TUBGCP4: variants seen among roughly 807,000 people sequenced by gnomAD.
TUBGCP4 encodes tubulin gamma complex component 4.
A neutral mutation model predicts 91.6 loss-of-function variants in TUBGCP4; 54 were observed. The ratio of observed to expected loss-of-function variants is 0.59; its 90% CI spans 0.47 to 0.74. TUBGCP4 has a LOEUF of 0.74. Ranked by LOEUF, TUBGCP4 falls within the 30% of genes least tolerant of loss-of-function variation. The pLI is 0.00. For missense variants in TUBGCP4, 593 were observed against 800.9 expected, an observed-to-expected ratio of 0.74 and a Z score of 3.13; for synonymous variants, 297 against 302.8, an observed-to-expected ratio of 0.98 and a Z score of 0.20.
intron 13 of TUBGCP4, 191 bp downstream of exon 13, chr15:43,398,370 A>G: frequency 2.4e-6 from 1 of 425,266 alleles, no homozygotes; most frequent in Non-Finnish European, 3.9e-6. Context: ...ACATAGTAAG[A>G]CCCCCATCTC....
intron 7 of TUBGCP4, 136 bp from the exon 8 acceptor site, chr15:43,385,655 G>C: frequency 1.2e-6 from 1 of 854,852 alleles, no homozygotes; most frequent in Admixed American, 2.6e-5. Flanking sequence ...TGGGTGGTTT[G>C]AGAACTGTGC....
rs1490904386 is a variant in TUBGCP4, at chr15:43,377,011, C to T, written c.331-3C>T. ...GCTCTAATCACAAAGTTTTTTATTGCAGTTCCTGGGTGATCCCCATCTCTC... is the reference window on the plus strand; with the variant it reads ...GCTCTAATCACAAAGTTTTTTATTGTAGTTCCTGGGTGATCCCCATCTCTC... On this transcript the variant is annotated splice_polypyrimidine_tract_variant and splice_region_variant and intron_variant, in intron 3 of 17. Coordinates refer to ENST00000564079, the MANE Select transcript of TUBGCP4 (RefSeq NM_014444.5). 2 of 1,612,564 alleles carry T rather than the reference C, an allele frequency of 1.2e-6. No homozygotes were observed. The highest frequency in any genetic ancestry group is 2.2e-5 in the East Asian group (1 of 44,890).
intron 1 of TUBGCP4, among the ~76,000 whole-genome samples, chr15:43,375,433 T>A (rs2044191496): frequency 6.6e-6 from 1 of 152,270 alleles, no homozygotes; most frequent in South Asian, 2.1e-4. Flanking sequence ...ACAGTATTTT[T>A]AAAAAGTTGG....
At position 43,376,207 on chromosome 15, in the gene TUBGCP4, C is replaced by T. The variant is rs937829448; in HGVS notation, c.188C>T (p.Thr63Met). 5.9e-5 allele frequency: 96 copies of T among 1,613,698 alleles called. No individual in the cohort carries two copies. The highest frequency in any genetic ancestry group is 7.8e-5 in the Non-Finnish European group (92 of 1,180,002). The change falls in exon 2 of 18, where the codon ACG (threonine) becomes ATG (methionine). Residue 63 changes from threonine to methionine, a missense_variant. By Grantham distance (81) the Thr-to-Met change is moderately conservative (BLOSUM62 -1). Transcript: ENST00000564079. Reference sequence around the variant, plus strand: ...TTCACTGAGTTCATTGAACAGTACACGGGCCATGTGCAACAGCAGGTGGGT... The same window carrying T: ...TTCACTGAGTTCATTGAACAGTACATGGGCCATGTGCAACAGCAGGTGGGT... ...IRFTEFIEQY[T>M]GHVQQQDHHP...
At chr15:43,401,684 A>G in intron 14 of TUBGCP4, 32 bp from the exon 15 acceptor site, 2 of 1,611,738 alleles carry the variant, frequency 1.2e-6, no homozygotes, top group Non-Finnish European at 1.7e-6. Context: ...TAGAATATGC[A>G]AAGTGCTAAA....
At chr15:43,405,093 C>T (rs2044822228) in intron 17 of TUBGCP4, 109 bp from the exon 18 acceptor site, 3 of 1,291,434 alleles carry the variant, frequency 2.3e-6, no homozygotes, top group Non-Finnish European at 3.3e-6. Flanking sequence ...AGAAACTCTT[C>T]AGTTTTAAGA....
Position 43,376,761 on chromosome 15 carries a change from C to T in TUBGCP4, c.330+136C>T, listed in dbSNP as rs571134726. On this transcript the variant is annotated intron_variant, in intron 3 of 17. Coordinates refer to ENST00000564079, the MANE Select transcript of TUBGCP4 (RefSeq NM_014444.5). The stretch of plus-strand genomic sequence containing the variant: ...GCATGGCTGGAAGGTACAGTGTTCT[C>T]TCAGTGATTGCCCAACCTGTGATCA... 6.0e-4 allele frequency: 774 copies of T among 1,283,950 alleles called. 8 individuals carry two copies. The South Asian group carries it at 0.01, about 17-fold the overall frequency. The allele number at this position is 1,283,950 out of a possible 1,614,324, so 79.5% of individuals were successfully genotyped here. A position where few individuals can be genotyped will look rare whatever the true frequency, so the allele number is the denominator to read the frequency against.
chr15:43,400,103 A>G lies in TUBGCP4; in HGVS notation c.1478A>G (p.His493Arg). ...SVRRVQAELQ[H>R]CWALQMQRKH... The stretch of plus-strand genomic sequence containing the variant: ...CGCCGGGTGCAAGCTGAGCTGCAGC[A>G]CTGCTGGGCCCTACAAATGCAGCGC... Residue 493 changes from histidine to arginine, a missense_variant, in exon 14 of 18, where the codon CAC becomes CGC. Transcript: ENST00000564079. 1.2e-6 allele frequency: 2 copies of G among 1,614,176 alleles called. No individual in the cohort carries two copies. Among genetic ancestry groups the G allele is most frequent in the Non-Finnish European group, 1.7e-6 (2 of 1,180,004 alleles).
At chr15:43,402,311 A>C (rs1461155624) in intron 15 of TUBGCP4, 4 of 154,758 alleles carry the variant, frequency 2.6e-5, no homozygotes, top group African/African-American at 9.7e-5. Context: ...AAGAATGTGT[A>C]AAGCAAAACT....
intron 6 of TUBGCP4, among the ~76,000 whole-genome samples, chr15:43,382,729 G>C (rs2044303071): frequency 6.6e-6 from 1 of 152,108 alleles, no homozygotes; most frequent in Admixed American, 6.6e-5. Flanking sequence ...CCATTATAGA[G>C]GTACATTTTC....
intron 13 of TUBGCP4, among the ~76,000 whole-genome samples, chr15:43,399,632 C>A (rs981988807): frequency 6.6e-6 from 1 of 152,202 alleles, no homozygotes; most frequent in Admixed American, 6.5e-5. Flanking sequence ...AGGCATGAGC[C>A]AACACACCTG....
At chr15:43,405,165 G>A (rs1473825698) in intron 17 of TUBGCP4, 37 bp from the exon 18 acceptor site, 12 of 1,613,402 alleles carry the variant, frequency 7.4e-6, no homozygotes, top group Admixed American at 3.3e-5. Flanking sequence ...TCTTGGGAAA[G>A]CATGACACTT....
In TUBGCP4 at chr15:43,406,498, C is replaced by A; in HGVS notation, c.*1284C>A. ...ACACAGCCATGCCCATTTGTTTACTCATTGTCTATGGTTGCTTTCATGCCC... is the reference window on the plus strand; with the variant it reads ...ACACAGCCATGCCCATTTGTTTACTAATTGTCTATGGTTGCTTTCATGCCC... On this transcript the variant is annotated 3_prime_UTR_variant, in exon 18 of 18. Coordinates refer to ENST00000564079, the MANE Select transcript of TUBGCP4 (RefSeq NM_014444.5). 2.3e-6 allele frequency: 1 copy of A among 428,300 alleles called. No homozygotes were observed. The highest frequency in any genetic ancestry group is 4.7e-6 in the Non-Finnish European group (1 of 214,822). The allele number at this position is 428,300 out of a possible 1,614,324, so 26.5% of individuals were successfully genotyped here. A position where few individuals can be genotyped will look rare whatever the true frequency, so the allele number is the denominator to read the frequency against.
intron 13 of TUBGCP4, among the ~76,000 whole-genome samples, chr15:43,398,776 G>A (rs2044622541): frequency 6.6e-6 from 1 of 152,112 alleles, no homozygotes; most frequent in Admixed American, 6.5e-5. Flanking sequence ...TAGCCACTGG[G>A]GAGAAGACAA....
At chr15:43,386,113 GT>G in intron 8 of TUBGCP4, 92 bp from the exon 9 acceptor site, 1 of 1,535,636 alleles carries the variant, frequency 6.5e-7, no homozygotes, top group Non-Finnish European at 8.8e-7. Flanking sequence ...AGCAGGTGAA[GT>G]TGCTGCCCCA....
In TUBGCP4 at chr15:43,400,691, G is replaced by A. The variant is rs529528021; in HGVS notation, c.1596+470G>A. ...AGCACTTTGGGAGGCTGAGATGGGC[G>A]GATCACTTGAGGTCAGGAGTTTGAG... On this transcript the variant is annotated intron_variant, in intron 14 of 17. Transcript: ENST00000564079. Among the ~76,000 whole-genome samples the A allele has an allele frequency of 4.6e-5, 7 of 152,092 alleles. No homozygotes were observed. The East Asian group carries it at 7.8e-4, about 17-fold the overall frequency.
chr15:43,377,286 A>C (rs1045903085), intron 4 of TUBGCP4, among the ~76,000 whole-genome samples: 4 of 152,210 alleles, frequency 2.6e-5, no homozygotes, highest in African/African-American at 7.2e-5. Flanking sequence ...TTACTGCTCT[A>C]TATGGACATC....
Position 43,403,476 on chromosome 15 carries a change from C to T in TUBGCP4, c.1732-207C>T, listed in dbSNP as rs182134432. The T allele has an allele frequency of 5.2e-5, 27 of 517,086 alleles. No individual in the cohort carries two copies. The Middle Eastern group carries it at 1.5e-3, about 30-fold the overall frequency. The allele number at this position is 517,086 out of a possible 1,614,324, so 32.0% of individuals were successfully genotyped here. Reference sequence around the variant, plus strand: ...GGTGCAGGGCTAAGAGAGTAATACTCGCTTAGCCAGGAAAGGATGCATTTG... The same window carrying T: ...GGTGCAGGGCTAAGAGAGTAATACTTGCTTAGCCAGGAAAGGATGCATTTG... On this transcript the variant is annotated intron_variant, in intron 15 of 17. Coordinates refer to ENST00000564079, the MANE Select transcript of TUBGCP4 (RefSeq NM_014444.5).
At chr15:43,386,528 C>T (rs1247474869) in intron 9 of TUBGCP4, among the ~76,000 whole-genome samples, 198 bp downstream of exon 9, 1 of 147,858 alleles carries the variant, frequency 6.8e-6, no homozygotes, top group Non-Finnish European at 1.5e-5. Flanking sequence ...AGTTCAAGAC[C>T]AGCCCGGCCA....
Sources: allele counts gnomAD v4.1 joint callset (sites outside exome capture counted in the v4.1 genomes callset), GRCh38; gene constraint gnomAD v4.1.1; transcripts MANE v1.5; gene names NCBI Gene and HGNC (gene_info 2026-07-23, HGNC 2026-07-21).